Variants in CCDC38 observed in about 807,000 individuals in gnomAD.
The protein encoded by CCDC38 is coiled-coil domain containing 38, also known as coiled-coil domain-containing protein 38.
A neutral mutation model predicts 72.8 loss-of-function variants in CCDC38; 69 were observed. The ratio of observed to expected loss-of-function variants is 0.95; its 90% CI spans 0.78 to 1.16. The LOEUF (loss-of-function observed/expected upper bound fraction) is 1.16, where lower values mean the gene tolerates loss of function less well. Among genes scored for constraint, CCDC38 ranks in the 50% most tolerant of loss-of-function variants. The pLI is 0.00. For synonymous variants in CCDC38, 201 were observed against 213.2 expected (o/e 0.94, Z 0.50); for missense variants, 626 against 638.9 (o/e 0.98, Z 0.22).
chr12:95,940,936 G>C (rs765231433), intron 1 of CCDC38, among the ~76,000 whole-genome samples: 1 of 152,116 alleles, frequency 6.6e-6, no homozygotes, highest in Non-Finnish European at 1.5e-5. Flanking sequence ...ATGGGTTAAG[G>C]AGTCAGCATA....
intron 1 of CCDC38, among the ~76,000 whole-genome samples, chr12:95,940,975 T>C (rs1443202793): frequency 1.3e-5 from 2 of 152,232 alleles, no homozygotes; most frequent in African/African-American, 4.8e-5. Context: ...AAAAGTATTT[T>C]ATAAGAGCTG....
chr12:95,887,701 T>C (rs941676712), intron 10 of CCDC38, among the ~76,000 whole-genome samples: 2 of 152,226 alleles, frequency 1.3e-5, no homozygotes, highest in African/African-American at 4.8e-5. Context: ...ATCCTGGTTA[T>C]GGTATTTGTG....
Position 95,936,486 on chromosome 12 carries a change from T to A in CCDC38, c.24A>T (p.Thr8=). The stretch of plus-strand genomic sequence containing the variant: ...ATTTCTTTTTACCTCCAGAATTCAG[T>A]GTTGGCAATAAATTTGAGGACATTT... MSSNLLP[T]LNSGGKVKDG... Residue 8 remains threonine (T), a synonymous_variant, in exon 2 of 16, where the codon ACA becomes ACT. Transcript: ENST00000344280. 2 of 1,612,830 alleles carry A rather than the reference T, an allele frequency of 1.2e-6. No homozygotes were observed. Among genetic ancestry groups the A allele is most frequent in the Non-Finnish European group, 1.7e-6 (2 of 1,179,776 alleles).
At chr12:95,942,195 G>C (rs1019520694) in intron 1 of CCDC38, among the ~76,000 whole-genome samples, 3 of 152,120 alleles carry the variant, frequency 2.0e-5, no homozygotes, top group Non-Finnish European at 4.4e-5. Flanking sequence ...CACAGAGCTT[G>C]TGATAAACAT....
chr12:95,929,319 C>A (rs1565968186), intron 2 of CCDC38, among the ~76,000 whole-genome samples: 1 of 152,198 alleles, frequency 6.6e-6, no homozygotes, highest in Non-Finnish European at 1.5e-5. Flanking sequence ...CCATCTGTCA[C>A]CCCTTTCTTT....
intron 2 of CCDC38, among the ~76,000 whole-genome samples, chr12:95,932,977 G>A (rs553453870): frequency 1.6e-4 from 24 of 151,980 alleles, no homozygotes; most frequent in Admixed American, 2.6e-4. Context: ...AAAATGAGTC[G>A]GAGAAAATGG....
chr12:95,895,816 G>T (rs1476390380), intron 7 of CCDC38, among the ~76,000 whole-genome samples: 2 of 147,678 alleles, frequency 1.4e-5, no homozygotes, highest in Non-Finnish European at 3.0e-5. Context: ...CCAGGACTTT[G>T]GGAGGCCAAG....
intron 10 of CCDC38, among the ~76,000 whole-genome samples, chr12:95,886,687 G>A (rs2079763184): frequency 1.3e-5 from 2 of 152,310 alleles, no homozygotes; most frequent in South Asian, 4.1e-4. Flanking sequence ...AGGATATAAA[G>A]ATGCAAACAA....
chr12:95,875,691 T>TCCCCCA (rs1255372503), intron 13 of CCDC38, among the ~76,000 whole-genome samples: 1 of 152,180 alleles, frequency 6.6e-6, no homozygotes, highest in East Asian at 1.9e-4. Flanking sequence ...TCACCTCCCC[T>TCCCCCA]TCCCCACCCC....
At position 95,871,761 on chromosome 12, in the gene CCDC38, T is replaced by C. The variant is rs186364363; in HGVS notation, c.1484+494A>G. Among the ~76,000 whole-genome samples the C allele has an allele frequency of 1.0e-3, 159 of 152,186 alleles. 1 individual carries two copies. The highest frequency in any genetic ancestry group is 2.0e-3 in the Non-Finnish European group (133 of 67,996). Reference sequence around the variant, plus strand: ...TTGCTCAGACTTTCAAACAATTCCTTCATTAGGAATTTGGAGCCCTTCATG... The same window carrying C: ...TTGCTCAGACTTTCAAACAATTCCTCCATTAGGAATTTGGAGCCCTTCATG... On this transcript the variant is annotated intron_variant, in intron 14 of 15. Coordinates refer to ENST00000344280, the MANE Select transcript of CCDC38 (RefSeq NM_182496.3).
chr12:95,910,505 C>G (rs2080080930), intron 4 of CCDC38, among the ~76,000 whole-genome samples: 1 of 152,166 alleles, frequency 6.6e-6, no homozygotes, highest in Non-Finnish European at 1.5e-5. Context: ...AAGCAATTTA[C>G]AGATTCAATG....
chr12:95,881,939 T>C (rs747816046), intron 10 of CCDC38, among the ~76,000 whole-genome samples: 21 of 152,250 alleles, frequency 1.4e-4, no homozygotes, highest in Non-Finnish European at 2.2e-4. Flanking sequence ...TGTGCTCTAC[T>C]TCTCAAAATG....
At chr12:95,939,115 G>C (rs2080423163) in intron 1 of CCDC38, among the ~76,000 whole-genome samples, 1 of 152,194 alleles carries the variant, frequency 6.6e-6, no homozygotes, top group Non-Finnish European at 1.5e-5. Context: ...TTGTGGGATT[G>C]TTAGGTAAGT....
At chr12:95,934,157 A>G (rs1186372915) in intron 2 of CCDC38, 2 of 152,194 alleles carry the variant, frequency 1.3e-5, no homozygotes, top group African/African-American at 4.8e-5. Context: ...TTAAGACTGC[A>G]TATATACAGT....
chr12:95,916,640 A>G (rs1753215119), intron 4 of CCDC38, among the ~76,000 whole-genome samples: 1 of 151,980 alleles, frequency 6.6e-6, no homozygotes. Flanking sequence ...AGTAGTAATG[A>G]TCATCTTATA....
At chr12:95,898,265 T>C (rs1024625864) in intron 7 of CCDC38, 120 bp downstream of exon 7, 3 of 982,996 alleles carry the variant, frequency 3.1e-6, no homozygotes, top group Non-Finnish European at 3.2e-6. Flanking sequence ...TTAAAATTCG[T>C]TCATACTTAT....
At chr12:95,921,963 A>G (rs2080214082) in intron 2 of CCDC38, among the ~76,000 whole-genome samples, 1 of 152,172 alleles carries the variant, frequency 6.6e-6, no homozygotes, top group Non-Finnish European at 1.5e-5. Flanking sequence ...AAACATCAGC[A>G]CTGGAATATT....
intron 2 of CCDC38, chr12:95,934,831 A>C (rs556396559): frequency 2.0e-5 from 3 of 152,226 alleles, no homozygotes; most frequent in South Asian, 4.2e-4. Flanking sequence ...CAGCATGGGG[A>C]AAACCCGTCT....
chr12:95,923,234 A>G (rs138128699), intron 2 of CCDC38, among the ~76,000 whole-genome samples: 101 of 152,224 alleles, frequency 6.6e-4, no homozygotes, highest in African/African-American at 2.3e-3. Flanking sequence ...ATGGCAAATC[A>G]TGGGACTTCT....
Sources: allele counts gnomAD v4.1 joint callset (sites outside exome capture counted in the v4.1 genomes callset), GRCh38; gene constraint gnomAD v4.1.1; transcripts MANE v1.5; gene names NCBI Gene and HGNC (gene_info 2026-07-23, HGNC 2026-07-21).